The following PPFIA2 variants were observed in gnomAD, a reference collection of about 807,000 sequenced individuals.
PPFIA2 encodes the protein PPFI scaffold protein A2, also known as liprin-alpha-2.
Under a neutral mutation model 175.5 loss-of-function variants are expected in PPFIA2, and 46 were observed. That is an observed-to-expected ratio of 0.26 (90% CI 0.21 to 0.34). PPFIA2 has a LOEUF of 0.34. PPFIA2 is among the 10% of genes least tolerant of loss of function. The pLI, the probability that PPFIA2 is intolerant of heterozygous loss-of-function variation, is 1.00. For synonymous variants in PPFIA2, 568 were observed against 511.4 expected, an observed-to-expected ratio of 1.11 and a Z score of -1.49; for missense variants, 1,179 against 1,506.1, an observed-to-expected ratio of 0.78 and a Z score of 3.60.
intron 3 of PPFIA2, among the ~76,000 whole-genome samples, chr12:81,742,920 G>A (rs1003498381): frequency 6.6e-6 from 1 of 152,158 alleles, no homozygotes; most frequent in African/African-American, 2.4e-5. Context: ...AAGTAAGCAT[G>A]AATAAAGACT....
At chr12:81,471,912 G>T (rs930336101) in intron 4 of PPFIA2, among the ~76,000 whole-genome samples, 4 of 152,290 alleles carry the variant, frequency 2.6e-5, no homozygotes, top group African/African-American at 9.6e-5. Context: ...GAATTCCATT[G>T]TGGTGATTGT....
At chr12:81,603,421 C>T (rs1370370059) in intron 4 of PPFIA2, among the ~76,000 whole-genome samples, 1 of 151,474 alleles carries the variant, frequency 6.6e-6, no homozygotes, top group African/African-American at 2.4e-5. Flanking sequence ...TAAACCAGAA[C>T]TTGGTCTTGT....
intron 4 of PPFIA2, among the ~76,000 whole-genome samples, chr12:81,654,443 G>C (rs1269100145): frequency 6.6e-6 from 1 of 151,952 alleles, no homozygotes; most frequent in Non-Finnish European, 1.5e-5. Context: ...TTGGTGATTT[G>C]TTTATAGAAT....
In PPFIA2 at chr12:81,271,926, T is replaced by C. The variant is rs11834110; in HGVS notation, c.3311-3839A>G. Among the ~76,000 whole-genome samples, 368 of 152,300 alleles carry C rather than the reference T, an allele frequency of 2.4e-3. 2 individuals are homozygous for C. Among genetic ancestry groups the C allele is most frequent in the African/African-American group, 8.6e-3 (356 of 41,580 alleles). ...AATATTTCTTTTCTATTTGTTTTTT[T>C]TCTGGTGAAATAGTCTCTCAGATTT... On this transcript the variant is annotated intron_variant, in intron 28 of 32. Coordinates refer to ENST00000549396, the MANE Select transcript of PPFIA2 (RefSeq NM_003625.5).
chr12:81,393,910 T>G (rs2040603137), intron 8 of PPFIA2, among the ~76,000 whole-genome samples: 1 of 152,044 alleles, frequency 6.6e-6, no homozygotes. Context: ...TTGTCACTAC[T>G]GCTGGTGGAA....
chr12:81,342,351 G>A (rs915055440), intron 19 of PPFIA2, among the ~76,000 whole-genome samples: 1 of 152,012 alleles, frequency 6.6e-6, no homozygotes, highest in Non-Finnish European at 1.5e-5. Context: ...GAGTTCTGAT[G>A]AAAAAAGTTC....
intron 8 of PPFIA2, among the ~76,000 whole-genome samples, chr12:81,390,153 G>T (rs909632916): frequency 7.2e-5 from 11 of 152,018 alleles, no homozygotes; most frequent in African/African-American, 2.7e-4. Context: ...ATTCCATCAT[G>T]GGGATATATT....
chr12:81,411,945 G>C (rs1442783651), intron 7 of PPFIA2, among the ~76,000 whole-genome samples: 1 of 151,974 alleles, frequency 6.6e-6, no homozygotes, highest in African/African-American at 2.4e-5. Context: ...GGACAAGAGG[G>C]AACAGCAATG....
intron 21 of PPFIA2, among the ~76,000 whole-genome samples, chr12:81,326,905 A>C (rs1318667435): frequency 6.6e-6 from 1 of 152,138 alleles, no homozygotes; most frequent in African/African-American, 2.4e-5. Flanking sequence ...TTTCATCACT[A>C]TATCAGTAAA....
intron 7 of PPFIA2, among the ~76,000 whole-genome samples, chr12:81,422,068 GTGTGTGTGTATATATATGTGTATATA>G (rs1566758132): frequency 6.8e-6 from 1 of 147,406 alleles, no homozygotes; most frequent in East Asian, 2.0e-4. Flanking sequence ...ATATATACGT[GTGTGTGTGTATATATATGTGTATATA>G]TATGTGTGTA....
intron 3 of PPFIA2, among the ~76,000 whole-genome samples, chr12:81,705,329 G>T (rs1341892847): frequency 6.6e-6 from 1 of 150,488 alleles, no homozygotes; most frequent in Middle Eastern, 3.2e-3. Flanking sequence ...GGTGGTGGGC[G>T]CCTGTAATCC....
chr12:81,283,358 A>G (rs2042524335), intron 25 of PPFIA2, among the ~76,000 whole-genome samples: 1 of 152,190 alleles, frequency 6.6e-6, no homozygotes, highest in East Asian at 1.9e-4. Context: ...TGCTATAATA[A>G]AAACTTCTGA....
At chr12:81,640,007 A>G (rs898021224) in intron 4 of PPFIA2, among the ~76,000 whole-genome samples, 1 of 152,184 alleles carries the variant, frequency 6.6e-6, no homozygotes, top group Admixed American at 6.5e-5. Flanking sequence ...TGCTACGTGT[A>G]TACTCACTTA....
chr12:81,743,562 T>A (rs912913559), intron 3 of PPFIA2, among the ~76,000 whole-genome samples: 2 of 151,676 alleles, frequency 1.3e-5, no homozygotes, highest in Non-Finnish European at 2.9e-5. Context: ...TTTAATGCTT[T>A]CAGTTATAAT....
At chr12:81,557,018 C>A (rs79504255) in intron 4 of PPFIA2, among the ~76,000 whole-genome samples, 8,340 of 151,678 alleles carry the variant, frequency 0.055, 415 homozygotes, top group African/African-American at 0.13. Context: ...TAGAAGTGAT[C>A]TAAGTTATCT....
chr12:81,582,546 T>TA (rs2074574062), intron 4 of PPFIA2, among the ~76,000 whole-genome samples: 1 of 151,792 alleles, frequency 6.6e-6, no homozygotes, highest in Non-Finnish European at 1.5e-5. Flanking sequence ...GTTTAGCTTA[T>TA]AAAAAACACT....
chr12:81,436,955 C>T (rs1298471117), intron 7 of PPFIA2, among the ~76,000 whole-genome samples: 2 of 152,112 alleles, frequency 1.3e-5, no homozygotes, highest in African/African-American at 4.8e-5. Context: ...ATGCAAGTGA[C>T]TCTTATTTGT....
At chr12:81,588,873 T>C (rs967563565) in intron 4 of PPFIA2, among the ~76,000 whole-genome samples, 2 of 152,004 alleles carry the variant, frequency 1.3e-5, no homozygotes, top group African/African-American at 4.8e-5. Flanking sequence ...ATACTTTATA[T>C]CAAGAACTTG....
At chr12:81,422,276 T>C (rs894940954) in intron 7 of PPFIA2, among the ~76,000 whole-genome samples, 15 of 151,774 alleles carry the variant, frequency 9.9e-5, no homozygotes, top group Admixed American at 9.9e-4. Flanking sequence ...GAATTGTGTC[T>C]ATATTATTGG....
Sources: gnomAD v4.1 joint callset for allele counts (sites outside exome capture counted in the v4.1 genomes callset) on GRCh38, gnomAD v4.1.1 for gene constraint, MANE v1.5 for transcripts, NCBI Gene and HGNC (gene_info 2026-07-23, HGNC 2026-07-21) for gene names.